Variants in PVT1 observed in about 807,000 individuals in gnomAD.
PVT1 encodes Pvt1 oncogene.
At chr8:127,963,160 C>T (rs1256234186) in intron 3 of PVT1, among the ~76,000 whole-genome samples, 2 of 152,188 alleles carry the variant, frequency 1.3e-5, no homozygotes, top group Non-Finnish European at 2.9e-5. Flanking sequence ...GTTCTGAGAT[C>T]TTCCACCCCT....
intron 4 of PVT1, among the ~76,000 whole-genome samples, chr8:128,061,732 G>A (rs996415259): frequency 4.6e-5 from 7 of 152,298 alleles, no homozygotes; most frequent in South Asian, 2.1e-4. Context: ...CTGGGACGAT[G>A]GCAGAGGAAA....
intron 4 of PVT1, among the ~76,000 whole-genome samples, chr8:128,011,461 C>G (rs112801046): frequency 0.016 from 2,481 of 152,234 alleles, 66 homozygotes; most frequent in African/African-American, 0.056. Flanking sequence ...TCTCTCTTCT[C>G]TCTCTGCTAC....
chr8:127,827,987 C>T (rs1214323881), intron 2 of PVT1, among the ~76,000 whole-genome samples: 1 of 152,130 alleles, frequency 6.6e-6, no homozygotes, highest in South Asian at 2.1e-4. Context: ...TTCTACCCAG[C>T]GACCAATTCT....
intron 4 of PVT1, among the ~76,000 whole-genome samples, chr8:128,035,592 A>G (rs1472378279): frequency 6.6e-6 from 1 of 152,054 alleles, no homozygotes; most frequent in Non-Finnish European, 1.5e-5. Context: ...CAGCCCCCCA[A>G]GATGACCATA....
intron 2 of PVT1, among the ~76,000 whole-genome samples, chr8:127,815,910 G>A (rs2129669738): frequency 6.6e-6 from 1 of 152,304 alleles, no homozygotes; most frequent in South Asian, 2.1e-4. Flanking sequence ...CAGATAATGA[G>A]TTCAGGAGTT....
At chr8:127,862,174 G>A (rs1479647292) in intron 2 of PVT1, among the ~76,000 whole-genome samples, 1 of 152,154 alleles carries the variant, frequency 6.6e-6, no homozygotes, top group African/African-American at 2.4e-5. Flanking sequence ...TTGGGAGGTC[G>A]AGGTGGGTGG....
chr8:127,984,909 C>CT (rs1035453514), intron 3 of PVT1, among the ~76,000 whole-genome samples: 1 of 89,828 alleles, frequency 1.1e-5, no homozygotes, highest in African/African-American at 4.1e-5. Context: ...TTCTTTCTTT[C>CT]TTTCTTTCTT....
chr8:128,070,846 T>C (rs1021013387), intron 5 of PVT1, among the ~76,000 whole-genome samples: 10 of 152,160 alleles, frequency 6.6e-5, no homozygotes, highest in African/African-American at 2.4e-4. Flanking sequence ...TTTGAGCACA[T>C]TGCTATCTCC....
chr8:127,947,703 C>T (rs776027920), intron 3 of PVT1: 2 of 456,008 alleles, frequency 4.4e-6, no homozygotes, highest in African/African-American at 2.0e-5. Flanking sequence ...TTGTGACTGC[C>T]CACCAGAGGC....
At chr8:127,860,516 G>A (rs558744657) in intron 2 of PVT1, among the ~76,000 whole-genome samples, 65 of 152,244 alleles carry the variant, frequency 4.3e-4, no homozygotes, top group African/African-American at 1.4e-3. Context: ...TGTAATCCCA[G>A]CACTTCGGGA....
rs556025378 is a variant in PVT1, at chr8:127,892,650, C to T, written n.782+1652C>T. On this transcript the variant is annotated intron_variant and non_coding_transcript_variant, in intron 3 of 10. Transcript: ENST00000651587. ...GCCTCGTGTTTTATACCAAACAAGG[C>T]CCCTTCAGCTGAAGACTTTTCCTTG... 5.3e-5 allele frequency among the ~76,000 whole-genome samples: 8 copies of T among 152,252 alleles called. No individual in the cohort carries two copies. In the East Asian group the frequency reaches 1.3e-3, roughly 26 times the overall value.
chr8:128,095,281 GCTT>G (rs1814412598), intron 5 of PVT1, among the ~76,000 whole-genome samples: 1 of 152,156 alleles, frequency 6.6e-6, no homozygotes, highest in Non-Finnish European at 1.5e-5. Context: ...TGGGGGTGAT[GCTT>G]TTTCTTGGGG....
intron 2 of PVT1, among the ~76,000 whole-genome samples, chr8:127,871,761 T>C (rs1815353864): frequency 6.6e-6 from 1 of 152,120 alleles, no homozygotes; most frequent in Non-Finnish European, 1.5e-5. Context: ...TCTGATTGTA[T>C]TAGAAGTACA....
intron 3 of PVT1, among the ~76,000 whole-genome samples, chr8:127,940,678 T>C (rs1263578907): frequency 6.6e-6 from 1 of 151,968 alleles, no homozygotes; most frequent in African/African-American, 2.4e-5. Flanking sequence ...CCTGGCCCAC[T>C]GAACCTTGAC....
chr8:128,076,956 C>T (rs1814098805), intron 5 of PVT1, among the ~76,000 whole-genome samples: 1 of 152,192 alleles, frequency 6.6e-6, no homozygotes, highest in Non-Finnish European at 1.5e-5. Context: ...CACCTAGGCC[C>T]TGAGGCTTTG....
intron 3 of PVT1, chr8:127,947,945 A>C (rs1365692196): frequency 4.4e-6 from 2 of 456,884 alleles, no homozygotes; most frequent in Non-Finnish European, 8.8e-6. Context: ...GTGCAAAGTG[A>C]CAGCTTTTCT....
chr8:128,006,334 A>G (rs1052367734), intron 4 of PVT1, among the ~76,000 whole-genome samples: 14 of 152,212 alleles, frequency 9.2e-5, no homozygotes, highest in Admixed American at 7.2e-4. Flanking sequence ...CAACAGTACA[A>G]TGCTCAGTTG....
intron 2 of PVT1, among the ~76,000 whole-genome samples, chr8:127,883,545 AC>A (rs1260762192): frequency 6.6e-6 from 1 of 152,214 alleles, no homozygotes; most frequent in African/African-American, 2.4e-5. Context: ...TGGGTGTAGC[AC>A]ACAAGCATGG....
chr8:127,872,684 T>G (rs1244955737), intron 2 of PVT1, among the ~76,000 whole-genome samples: 3 of 152,242 alleles, frequency 2.0e-5, no homozygotes. Context: ...ATGCCTGTAC[T>G]TTGGCAGAGA....
Sources: allele counts gnomAD v4.1 joint callset (sites outside exome capture counted in the v4.1 genomes callset), GRCh38; gene constraint gnomAD v4.1.1; transcripts MANE v1.5; gene names NCBI Gene and HGNC (gene_info 2026-07-23, HGNC 2026-07-21).